The following MEI4 variants were observed in gnomAD, a reference collection of about 807,000 sequenced individuals.
MEI4 encodes the protein meiotic double-stranded break formation protein 4.
A neutral mutation model predicts 31.4 loss-of-function variants in MEI4; 27 were observed. That is an observed-to-expected ratio of 0.86 (90% CI 0.63 to 1.19). MEI4 has a LOEUF of 1.19. MEI4 is among the 50% of genes most tolerant of loss of function. MEI4 has a pLI of 0.00. For missense variants in MEI4, 329 were observed against 398.9 expected, an observed-to-expected ratio of 0.82 and a Z score of 1.49; for synonymous variants, 122 against 145.4, an observed-to-expected ratio of 0.84 and a Z score of 1.16.
rs922835796 is a variant in MEI4, at chr6:77,923,304, C to A, written c.1116C>A (p.Gly372=). Residue 372 remains glycine, a synonymous_variant, in exon 5 of 5, where the codon GGC becomes GGA. Transcript: ENST00000684080. ...TTACTTTTTATTTATGGAGAGTGGG[C>A]ATTCTTTTGAGCTCAGCACAGATAG... ...PLFTFYLWRV[G]ILLSSAQIET... 1 of 1,229,996 alleles carries A rather than the reference C, an allele frequency of 8.1e-7. No homozygotes were observed. Among genetic ancestry groups the A allele is most frequent in the Non-Finnish European group, 1.0e-6 (1 of 986,530 alleles). 76.2% of individuals were successfully genotyped at this position (1,229,996 alleles called of 1,614,324 possible). A position where few individuals can be genotyped will look rare whatever the true frequency, so the allele number is the denominator to read the frequency against.
At chr6:77,812,314 TAAA>T (rs1561998914) in intron 3 of MEI4, among the ~76,000 whole-genome samples, 1 of 151,890 alleles carries the variant, frequency 6.6e-6, no homozygotes, top group Non-Finnish European at 1.5e-5. Flanking sequence ...AAAATACAAA[TAAA>T]GAAAAGCAAG....
chr6:77,883,508 C>A (rs143757070), intron 4 of MEI4, among the ~76,000 whole-genome samples: 335 of 151,536 alleles, frequency 2.2e-3, no homozygotes, highest in African/African-American at 7.4e-3. Context: ...CTCATGAGAG[C>A]AACTTTTTTA....
chr6:77,742,956 C>G (rs562057576), intron 2 of MEI4, among the ~76,000 whole-genome samples: 5 of 152,118 alleles, frequency 3.3e-5, no homozygotes, highest in African/African-American at 1.2e-4. Context: ...TTTCTTAGGG[C>G]TCTGTTCTGT....
In MEI4 at chr6:77,923,454, G is replaced by T; in HGVS notation, c.*108G>T. 1.2e-6 allele frequency: 1 copy of T among 856,290 alleles called. No homozygotes were observed. Among genetic ancestry groups the T allele is most frequent in the Non-Finnish European group, 1.5e-6 (1 of 647,708 alleles). The allele number at this position is 856,290 out of a possible 1,614,324, so 53.0% of individuals were successfully genotyped here. On this transcript the variant is annotated 3_prime_UTR_variant, in exon 5 of 5. Transcript: ENST00000684080. Reference sequence around the variant, plus strand: ...GTATTTTAATTAGCATTTTAGAATTGATCTCTAAATATAATTATCAATTCA... The same window carrying T: ...GTATTTTAATTAGCATTTTAGAATTTATCTCTAAATATAATTATCAATTCA...
intron 1 of MEI4, among the ~76,000 whole-genome samples, chr6:77,653,764 AT>A (rs984665779): frequency 1.3e-5 from 2 of 151,924 alleles, no homozygotes; most frequent in African/African-American, 4.8e-5. Context: ...TAGCCACATA[AT>A]TTTTTTTGTC....
In MEI4 at chr6:77,690,161, G is replaced by T. The variant is rs9448148; in HGVS notation, c.-14-497G>T. Among the ~76,000 whole-genome samples the T allele has an allele frequency of 8.0e-3, 1,218 of 152,034 alleles. 14 individuals are homozygous for T. The highest frequency in any genetic ancestry group is 0.027 in the African/African-American group (1,104 of 41,488). On this transcript the variant is annotated intron_variant, in intron 1 of 4. Transcript: ENST00000684080. ...TAGAGGCAGAAATAGCAGGTAAAAG[G>T]TTCATTAAGGAATGCAAGATTTAAC...
intron 2 of MEI4, among the ~76,000 whole-genome samples, chr6:77,726,530 G>A (rs549014069): frequency 1.3e-5 from 2 of 152,158 alleles, no homozygotes; most frequent in South Asian, 4.1e-4. Flanking sequence ...TACAACCCAG[G>A]AAGGGAAGAA....
At chr6:77,784,081 T>G (rs996379695) in intron 3 of MEI4, among the ~76,000 whole-genome samples, 1 of 152,128 alleles carries the variant, frequency 6.6e-6, no homozygotes, top group Non-Finnish European at 1.5e-5. Context: ...TTTAGCCTAT[T>G]TTTTAAATAG....
intron 4 of MEI4, among the ~76,000 whole-genome samples, chr6:77,870,524 ACT>A (rs1211749834): frequency 1.3e-5 from 2 of 152,066 alleles, no homozygotes; most frequent in African/African-American, 4.8e-5. Flanking sequence ...GTATGTCCAA[ACT>A]CTAGTTAAAT....
At chr6:77,687,038 C>G in intron 1 of MEI4, among the ~76,000 whole-genome samples, 1 of 151,842 alleles carries the variant, frequency 6.6e-6, no homozygotes. Flanking sequence ...ATAAATGATA[C>G]AAATGGCCAA....
At chr6:77,734,473 T>C (rs1413386555) in intron 2 of MEI4, among the ~76,000 whole-genome samples, 1 of 152,082 alleles carries the variant, frequency 6.6e-6, no homozygotes, top group African/African-American at 2.4e-5. Context: ...TGCCTTTTTT[T>C]GTTTTCCATT....
At chr6:77,849,966 C>T (rs188694186) in intron 4 of MEI4, among the ~76,000 whole-genome samples, 26 of 152,238 alleles carry the variant, frequency 1.7e-4, no homozygotes, top group African/African-American at 3.4e-4. Flanking sequence ...AGTGGCAGAA[C>T]GCGGTACAAA....
At chr6:77,744,765 G>A (rs993746869) in intron 2 of MEI4, among the ~76,000 whole-genome samples, 5 of 152,284 alleles carry the variant, frequency 3.3e-5, no homozygotes, top group African/African-American at 1.2e-4. Context: ...ACTAACAGTC[G>A]ATCTCTCGGC....
At chr6:77,737,557 G>C (rs769851241) in intron 2 of MEI4, among the ~76,000 whole-genome samples, 1 of 152,162 alleles carries the variant, frequency 6.6e-6, no homozygotes, top group African/African-American at 2.4e-5. Context: ...AGAGAATTAC[G>C]ACTGGATGAT....
At chr6:77,905,145 C>T (rs7738598) in intron 4 of MEI4, among the ~76,000 whole-genome samples, 5 of 151,638 alleles carry the variant, frequency 3.3e-5, no homozygotes, top group Non-Finnish European at 7.4e-5. Flanking sequence ...TCTGAAAGAC[C>T]GCTTTGCCAG....
intron 3 of MEI4, among the ~76,000 whole-genome samples, chr6:77,782,339 CT>C (rs1295002994): frequency 6.6e-6 from 1 of 152,094 alleles, no homozygotes; most frequent in Non-Finnish European, 1.5e-5. Context: ...GGACTTCTGT[CT>C]CTAAAAGATA....
At chr6:77,787,344 C>T (rs1317746023) in intron 3 of MEI4, among the ~76,000 whole-genome samples, 3 of 152,146 alleles carry the variant, frequency 2.0e-5, no homozygotes, top group Non-Finnish European at 4.4e-5. Flanking sequence ...TATTTCCAGC[C>T]CTAATGACCA....
chr6:77,726,152 G>A (rs1414590299), intron 2 of MEI4, among the ~76,000 whole-genome samples: 23 of 140,456 alleles, frequency 1.6e-4, no homozygotes, highest in Non-Finnish European at 1.5e-4. Flanking sequence ...CTGCCTTCAA[G>A]CATCTGTTTA....
intron 4 of MEI4, among the ~76,000 whole-genome samples, chr6:77,874,824 G>A (rs1771290896): frequency 1.3e-5 from 2 of 152,110 alleles, no homozygotes; most frequent in South Asian, 2.1e-4. Context: ...AAGAGTTGTT[G>A]AATTTTGTCA....
Sources: allele counts gnomAD v4.1 joint callset (sites outside exome capture counted in the v4.1 genomes callset), GRCh38; gene constraint gnomAD v4.1.1; transcripts MANE v1.5; gene names NCBI Gene and HGNC (gene_info 2026-07-23, HGNC 2026-07-21).